BRINP2: variants seen among roughly 807,000 people sequenced by gnomAD.
BRINP2 encodes the protein BMP/retinoic acid inducible neural specific 2, also known as BMP/retinoic acid-inducible neural-specific protein 2.
BRINP2 carries 21 observed loss-of-function variants against 69.2 expected under a neutral mutation model. That is an observed-to-expected ratio of 0.30 (90% CI 0.22 to 0.44). The LOEUF is 0.44. Ranked by LOEUF, BRINP2 falls within the 20% of genes least tolerant of loss-of-function variation. BRINP2 has a pLI of 1.00. For missense variants in BRINP2, 877 were observed against 986.0 expected (o/e 0.89, Z 1.48); for synonymous variants, 380 against 394.1 (o/e 0.96, Z 0.42).
intron 1 of BRINP2, among the ~76,000 whole-genome samples, chr1:177,200,090 G>A (rs1456016311): frequency 5.9e-5 from 9 of 151,972 alleles, no homozygotes; most frequent in Admixed American, 3.9e-4. Flanking sequence ...TCAGGAGTTC[G>A]AGACCAGCCT....
intron 2 of BRINP2, among the ~76,000 whole-genome samples, chr1:177,243,552 A>G (rs370295352): frequency 9.5e-4 from 144 of 152,298 alleles, no homozygotes; most frequent in African/African-American, 3.3e-3. Context: ...GACAATAAAA[A>G]CAGTAATTGA....
chr1:177,211,708 G>T (rs1309389141), intron 1 of BRINP2, among the ~76,000 whole-genome samples: 1 of 151,836 alleles, frequency 6.6e-6, no homozygotes, highest in Non-Finnish European at 1.5e-5. Flanking sequence ...TTTTTATTTG[G>T]GTTATTACTG....
chr1:177,264,336 A>C (rs1571941111), intron 4 of BRINP2, among the ~76,000 whole-genome samples: 1 of 152,160 alleles, frequency 6.6e-6, no homozygotes, highest in Admixed American at 6.5e-5. Context: ...TTTATGACAA[A>C]CCCACAGCCA....
At chr1:177,199,048 AG>A (rs1648826349) in intron 1 of BRINP2, among the ~76,000 whole-genome samples, 1 of 152,188 alleles carries the variant, frequency 6.6e-6, no homozygotes, top group Admixed American at 6.5e-5. Flanking sequence ...ATTTTAGGTA[AG>A]GAAAAAAAGC....
At chr1:177,240,441 TACA>T (rs1553272740) in intron 2 of BRINP2, among the ~76,000 whole-genome samples, 1 of 152,176 alleles carries the variant, frequency 6.6e-6, no homozygotes, top group Non-Finnish European at 1.5e-5. Flanking sequence ...CCTATAAATG[TACA>T]ATTATTATAT....
At chr1:177,203,956 G>T (rs2102305630) in intron 1 of BRINP2, among the ~76,000 whole-genome samples, 1 of 152,314 alleles carries the variant, frequency 6.6e-6, no homozygotes, top group African/African-American at 2.4e-5. Flanking sequence ...CTGGAACTCA[G>T]AATTGTGGGC....
chr1:177,273,856 A>C (rs980596316), intron 5 of BRINP2, among the ~76,000 whole-genome samples: 1 of 152,200 alleles, frequency 6.6e-6, no homozygotes, highest in Non-Finnish European at 1.5e-5. Flanking sequence ...TTCCATCTCA[A>C]GTCCTCTGTC....
intron 1 of BRINP2, among the ~76,000 whole-genome samples, chr1:177,185,241 C>T (rs1215676094): frequency 6.6e-6 from 1 of 152,170 alleles, no homozygotes; most frequent in Non-Finnish European, 1.5e-5. Context: ...GCACTTATCA[C>T]ATTAGACCGG....
chr1:177,187,193 C>A (rs948805303), intron 1 of BRINP2, among the ~76,000 whole-genome samples: 1 of 151,858 alleles, frequency 6.6e-6, no homozygotes, highest in African/African-American at 2.4e-5. Flanking sequence ...TTTGTGGCTT[C>A]TCTAACTCAA....
intron 1 of BRINP2, among the ~76,000 whole-genome samples, chr1:177,181,736 T>C (rs552927342): frequency 6.6e-6 from 1 of 151,328 alleles, no homozygotes; most frequent in Non-Finnish European, 1.5e-5. Context: ...GCTGGCGGGG[T>C]CTTGGGAGGC....
At position 177,280,543 on chromosome 1, in the gene BRINP2, T is replaced by G; in HGVS notation, c.1367T>G (p.Ile456Ser). 6.2e-7 allele frequency: 1 copy of G among 1,614,080 alleles called. No homozygotes were observed. Among genetic ancestry groups the G allele is most frequent in the South Asian group, 1.1e-5 (1 of 91,076 alleles). ...GACCAATCTTCCTGCCAGGGCCCCA[T>G]CCCATGTGCCTTGGGCGAAGGGCCC... ...PYDQSSCQGP[I>S]PCALGEGPAC... The change falls in exon 8 of 8, where the codon ATC becomes AGC. Residue 456 changes from isoleucine (I) to serine (S), a missense_variant. Coordinates refer to ENST00000361539, the MANE Select transcript of BRINP2 (RefSeq NM_021165.4).
chr1:177,212,031 CCTAT>C (rs1649235648), intron 1 of BRINP2, among the ~76,000 whole-genome samples: 2 of 151,832 alleles, frequency 1.3e-5, no homozygotes, highest in Admixed American at 1.3e-4. Flanking sequence ...TACCTACCTA[CCTAT>C]GTGCCATCTG....
intron 2 of BRINP2, among the ~76,000 whole-genome samples, chr1:177,236,056 C>A (rs1379881480): frequency 1.3e-5 from 2 of 152,098 alleles, no homozygotes; most frequent in Admixed American, 6.6e-5. Flanking sequence ...CAACAGTGAG[C>A]CTGCAGTTCT....
intron 2 of BRINP2, among the ~76,000 whole-genome samples, chr1:177,255,526 G>A (rs1282618601): frequency 1.3e-5 from 2 of 152,242 alleles, no homozygotes; most frequent in East Asian, 3.8e-4. Flanking sequence ...CTGAGGCCAT[G>A]AGAGGGGATG....
At chr1:177,221,454 A>G (rs1649530601) in intron 1 of BRINP2, among the ~76,000 whole-genome samples, 1 of 152,206 alleles carries the variant, frequency 6.6e-6, no homozygotes, top group African/African-American at 2.4e-5. Context: ...TCCCCAAACC[A>G]GTGGTGGGTC....
intron 1 of BRINP2, among the ~76,000 whole-genome samples, chr1:177,205,892 G>T (rs1649058445): frequency 6.6e-6 from 1 of 152,212 alleles, no homozygotes; most frequent in Non-Finnish European, 1.5e-5. Flanking sequence ...TCGCACCCTT[G>T]CATAGGCCCC....
In BRINP2 at chr1:177,273,607, T is replaced by C. The variant is rs1488910908; in HGVS notation, c.775+14T>C. Reference sequence around the variant, plus strand: ...TACAGTTACTTGGTAAGCAGCACTATGATGGTTTTCATACCTTTCACACCT... The same window carrying C: ...TACAGTTACTTGGTAAGCAGCACTACGATGGTTTTCATACCTTTCACACCT... On this transcript the variant is annotated intron_variant, in intron 5 of 7. Transcript: ENST00000361539. 2.0e-6 allele frequency: 3 copies of C among 1,523,262 alleles called. No individual in the cohort carries two copies. The highest frequency in any genetic ancestry group is 2.4e-5 in the East Asian group (1 of 41,800). The allele number at this position is 1,523,262 out of a possible 1,614,324, so 94.4% of individuals were successfully genotyped here.
intron 5 of BRINP2, among the ~76,000 whole-genome samples, chr1:177,274,113 C>T (rs1425169300): frequency 6.6e-6 from 1 of 152,148 alleles, no homozygotes; most frequent in Non-Finnish European, 1.5e-5. Flanking sequence ...TGTGATCTTG[C>T]ACATGGGCAA....
At chr1:177,231,802 C>A (rs947122513) in intron 2 of BRINP2, among the ~76,000 whole-genome samples, 1 of 152,182 alleles carries the variant, frequency 6.6e-6, no homozygotes. Flanking sequence ...AGCACCAACT[C>A]AGGCTGGGAG....
Sources: gnomAD v4.1 joint callset for allele counts (sites outside exome capture counted in the v4.1 genomes callset) on GRCh38, gnomAD v4.1.1 for gene constraint, MANE v1.5 for transcripts, NCBI Gene and HGNC (gene_info 2026-07-23, HGNC 2026-07-21) for gene names.